Variants in ZNF438 observed in about 807,000 individuals in gnomAD.
ZNF438 encodes the protein zinc finger protein 438.
In ZNF438, 25 loss-of-function variants were observed where a neutral mutation model predicts 38.0. That is an observed-to-expected ratio of 0.66 (90% confidence interval 0.48 to 0.92). The LOEUF (loss-of-function observed/expected upper bound fraction) is 0.92. ZNF438 is among the 40% of genes least tolerant of loss of function. ZNF438 has a pLI of 0.00. For missense variants in ZNF438, 1,007 were observed against 999.6 expected (o/e 1.01, Z -0.10); for synonymous variants, 372 against 364.1 (o/e 1.02, Z -0.25).
chr10:31,001,280 T>C (rs1351699377), intron 1 of ZNF438, among the ~76,000 whole-genome samples: 1 of 152,256 alleles, frequency 6.6e-6, no homozygotes, highest in Non-Finnish European at 1.5e-5. Context: ...TCATCGCTGA[T>C]AATGTGAATG....
At chr10:30,907,706 T>C (rs890988035) in intron 3 of ZNF438, among the ~76,000 whole-genome samples, 2 of 152,180 alleles carry the variant, frequency 1.3e-5, no homozygotes, top group Non-Finnish European at 2.9e-5. Context: ...TCTTTCTTTG[T>C]TGATTATTCT....
At chr10:30,992,168 G>A (rs910848955) in intron 1 of ZNF438, among the ~76,000 whole-genome samples, 7 of 152,152 alleles carry the variant, frequency 4.6e-5, no homozygotes, top group African/African-American at 1.7e-4. Context: ...TACACTGTAA[G>A]AAATAAATTT....
intron 2 of ZNF438, among the ~76,000 whole-genome samples, chr10:30,939,326 A>C (rs140383444): frequency 5.2e-4 from 79 of 152,360 alleles, no homozygotes; most frequent in African/African-American, 1.7e-3. Flanking sequence ...ATGCCTATGT[A>C]AATGATAATC....
intron 4 of ZNF438, 81 bp downstream of exon 5, chr10:30,876,917 G>T: frequency 2.9e-6 from 3 of 1,038,066 alleles, no homozygotes; most frequent in South Asian, 2.0e-5. Context: ...GTTACCTTAT[G>T]ATTAGAGGTC....
chr10:31,002,896 T>C (rs1038108317), intron 1 of ZNF438, among the ~76,000 whole-genome samples: 3 of 152,296 alleles, frequency 2.0e-5, no homozygotes, highest in South Asian at 2.1e-4. Context: ...GCAATAAACA[T>C]AGATGCTAAT....
chr10:30,848,592 G>A (rs1440540050), exon 5 of ZNF438: 1 of 1,613,728 alleles, frequency 6.2e-7, no homozygotes, highest in Non-Finnish European at 8.5e-7. Context: ...ATGTCTCCTG[G>A]CTGCAGTTCA....
chr10:30,916,192 A>G lies in ZNF438; in HGVS notation c.-114-7177T>C, dbSNP rs961522656. Reference sequence around the variant, plus strand: ...AAATAAGGCCACTAATGTCACATCCATATCAAGCTGTATAGGCATTTGATA... The same window carrying G: ...AAATAAGGCCACTAATGTCACATCCGTATCAAGCTGTATAGGCATTTGATA... On this transcript the variant is annotated intron_variant, in intron 2 of 5. Coordinates refer to ENST00000413025, the Ensembl canonical transcript of ZNF438. Among the ~76,000 whole-genome samples the G allele has an allele frequency of 2.6e-5, 4 of 152,080 alleles. No homozygotes were observed. The South Asian group carries it at 8.3e-4, about 31-fold the overall frequency.
chr10:31,012,225 G>A (rs1470426752), intron 1 of ZNF438, among the ~76,000 whole-genome samples: 6 of 150,748 alleles, frequency 4.0e-5, no homozygotes, highest in African/African-American at 7.3e-5. Flanking sequence ...CTGGGTTCAC[G>A]CCATTCTCCT....
intron 2 of ZNF438, among the ~76,000 whole-genome samples, chr10:30,926,400 G>A (rs923798044): frequency 1.3e-5 from 2 of 152,168 alleles, no homozygotes; most frequent in Admixed American, 6.5e-5. Context: ...AGGCGCAGTC[G>A]CTCACATCTG....
intron 1 of ZNF438, among the ~76,000 whole-genome samples, chr10:30,946,550 T>TTC (rs2047434523): frequency 6.6e-6 from 1 of 152,184 alleles, no homozygotes. Context: ...GAACAGACAC[T>TTC]TCTCAAAAGA....
chr10:30,892,182 T>C (rs1010756182), intron 3 of ZNF438, among the ~76,000 whole-genome samples: 1 of 152,138 alleles, frequency 6.6e-6, no homozygotes, highest in African/African-American at 2.4e-5. Flanking sequence ...GGGGATACAT[T>C]CCAAGATCCC....
intron 5 of ZNF438, 95 bp downstream of exon 6, chr10:30,848,436 G>A: frequency 1.4e-6 from 2 of 1,418,598 alleles, no homozygotes; most frequent in South Asian, 1.4e-5. Context: ...TCCTAGAGAT[G>A]TTTTATAAAC....
At chr10:31,019,341 C>A (rs1320001438) in intron 1 of ZNF438, among the ~76,000 whole-genome samples, 2 of 152,058 alleles carry the variant, frequency 1.3e-5, no homozygotes, top group South Asian at 2.1e-4. Context: ...GTATTAAAAA[C>A]CAATGTATAA....
intron 1 of ZNF438, among the ~76,000 whole-genome samples, chr10:30,951,214 A>C (rs570102719): frequency 4.0e-5 from 6 of 151,650 alleles, no homozygotes; most frequent in African/African-American, 1.4e-4. Flanking sequence ...CATACTAAAA[A>C]CTCTCAATAA....
At chr10:31,025,391 G>A (rs553254469) in intron 1 of ZNF438, among the ~76,000 whole-genome samples, 1 of 152,274 alleles carries the variant, frequency 6.6e-6, no homozygotes, top group South Asian at 2.1e-4. Flanking sequence ...AACCAAAAAT[G>A]TTTTCTAGAC....
At chr10:30,951,646 A>G (rs896799715) in intron 1 of ZNF438, among the ~76,000 whole-genome samples, 11 of 152,200 alleles carry the variant, frequency 7.2e-5, no homozygotes, top group Admixed American at 3.3e-4. Context: ...ACGCCCATTC[A>G]CAATTGCTTC....
chr10:30,853,398 G>T lies in ZNF438; in HGVS notation c.38-3031C>A, dbSNP rs181366899. Among the ~76,000 whole-genome samples, 11 of 152,258 alleles carry T rather than the reference G, an allele frequency of 7.2e-5. No homozygotes were observed. In the East Asian group the frequency reaches 1.9e-3, roughly 27 times the overall value. ...GCTTAAAAGGCCTCATGCTTAAAAA[G>T]GTTCTCAGGAGCCTCTTTGACATAT... On this transcript the variant is annotated intron_variant, in intron 4 of 5. Coordinates refer to ENST00000413025, the Ensembl canonical transcript of ZNF438.
At chr10:30,949,944 A>AT (rs1015276760) in intron 1 of ZNF438, among the ~76,000 whole-genome samples, 1 of 152,040 alleles carries the variant, frequency 6.6e-6, no homozygotes, top group Non-Finnish European at 1.5e-5. Context: ...CAGAATATAC[A>AT]TTTTTTTTCA....
chr10:30,884,157 T>G (rs2039643650), intron 3 of ZNF438, among the ~76,000 whole-genome samples: 1 of 152,232 alleles, frequency 6.6e-6, no homozygotes, highest in Admixed American at 6.5e-5. Context: ...TAATTTTAAC[T>G]GTATTCCTAA....
Sources: allele counts gnomAD v4.1 joint callset (sites outside exome capture counted in the v4.1 genomes callset), GRCh38; gene constraint gnomAD v4.1.1; transcripts MANE v1.5; gene names NCBI Gene and HGNC (gene_info 2026-07-23, HGNC 2026-07-21).